Variants in GNA13 observed in about 807,000 individuals in gnomAD.
The protein encoded by GNA13 is G protein subunit alpha 13, also known as guanine nucleotide-binding protein subunit alpha-13.
A neutral mutation model predicts 33.5 loss-of-function variants in GNA13; 4 were observed. That is an observed-to-expected ratio of 0.12 (90% CI 0.06 to 0.27). The LOEUF is 0.27. Ranked by LOEUF, GNA13 falls within the 10% of genes least tolerant of loss-of-function variation. GNA13 has a pLI of 1.00. For synonymous variants in GNA13, 176 were observed against 183.8 expected, an observed-to-expected ratio of 0.96 and a Z score of 0.34; for missense variants, 319 against 487.2, an observed-to-expected ratio of 0.65 and a Z score of 3.25.
chr17:65,037,795 A>AAAAAAAAAAAAAAAAAAAAC (rs1567824035), intron 2 of GNA13, among the ~76,000 whole-genome samples: 1 of 150,078 alleles, frequency 6.7e-6, no homozygotes, highest in Non-Finnish European at 1.5e-5. Context: ...AAAAAAAAAA[A>AAAAAAAAAAAAAAAAAAAAC]AAAAAGACAA....
At position 65,018,317 on chromosome 17, in the gene GNA13, G is replaced by C. The variant is rs778571325; in HGVS notation, c.511-14C>G. The C allele has an allele frequency of 9.1e-6, 12 of 1,316,312 alleles. No homozygotes were observed. The highest frequency in any genetic ancestry group is 1.8e-4 in the Middle Eastern group (1 of 5,494). 81.5% of individuals were successfully genotyped at this position (1,316,312 alleles called of 1,614,324 possible). A position where few individuals can be genotyped will look rare whatever the true frequency, so the allele number is the denominator to read the frequency against. ...TACAGATTCACCCTAAAAACAAGAA[G>C]AAAACAAATAGTTATTAGGGCTTAG... On this transcript the variant is annotated splice_polypyrimidine_tract_variant and intron_variant, in intron 2 of 3. Transcript: ENST00000439174.
rs1001755493 is a variant in GNA13, at chr17:65,049,277, T to TTTTTGG, written c.510+4219_510+4224dup. ...GGTACATGTCACCATGCCTGGCTAATTTTTGGTTTTGGTTTTGGTTTTTGG... is the reference window on the plus strand; with the variant it reads ...GGTACATGTCACCATGCCTGGCTAATTTTTGGTTTTGGTTTTGGTTTTGGTTTTTGG... On this transcript the variant is annotated intron_variant, in intron 2 of 3. Transcript: ENST00000439174. Among the ~76,000 whole-genome samples the TTTTTGG allele has an allele frequency of 8.5e-5, 13 of 152,200 alleles. No individual in the cohort carries two copies. The East Asian group carries it at 2.1e-3, about 25-fold the overall frequency.
intron 3 of GNA13, among the ~76,000 whole-genome samples, chr17:65,017,550 C>T (rs959735003): frequency 6.6e-6 from 1 of 152,200 alleles, no homozygotes; most frequent in African/African-American, 2.4e-5. Flanking sequence ...ACGCCCAATA[C>T]AGAGGTCAAA....
At chr17:65,018,586 C>T (rs1906467301) in intron 2 of GNA13, among the ~76,000 whole-genome samples, 1 of 152,254 alleles carries the variant, frequency 6.6e-6, no homozygotes, top group Admixed American at 6.5e-5. Flanking sequence ...GCTATAACTA[C>T]GTATCCACAG....
chr17:65,050,605 A>G (rs1907827869), intron 2 of GNA13, among the ~76,000 whole-genome samples: 1 of 152,120 alleles, frequency 6.6e-6, no homozygotes, highest in Non-Finnish European at 1.5e-5. Context: ...GACGGCACAC[A>G]CCTGTAGTCC....
At chr17:65,047,218 A>G (rs919442123) in intron 2 of GNA13, among the ~76,000 whole-genome samples, 2 of 152,232 alleles carry the variant, frequency 1.3e-5, no homozygotes, top group African/African-American at 4.8e-5. Context: ...ATTAAACTCA[A>G]CTTTAAAATC....
In GNA13 at chr17:65,027,244, T is replaced by TG. The variant is rs1406233209; in HGVS notation, c.511-8942dup. 3.9e-5 allele frequency among the ~76,000 whole-genome samples: 6 copies of TG among 152,212 alleles called. No homozygotes were observed. The East Asian group carries it at 9.6e-4, about 24-fold the overall frequency. ...TTGCCTCAGAAATCCAAAGTGCACC[T>TG]GTCTTTCTCAAATCATCCAGATTTA... On this transcript the variant is annotated intron_variant, in intron 2 of 3. Transcript: ENST00000439174.
chr17:65,054,977 T>G (rs532162497), intron 1 of GNA13, among the ~76,000 whole-genome samples: 1 of 151,102 alleles, frequency 6.6e-6, no homozygotes, highest in South Asian at 2.1e-4. Context: ...GTCTAGTGAT[T>G]CTCTCTAATT....
chr17:65,015,342 C>G (rs1179339916), intron 3 of GNA13, among the ~76,000 whole-genome samples: 1 of 152,074 alleles, frequency 6.6e-6, no homozygotes, highest in Non-Finnish European at 1.5e-5. Flanking sequence ...TATCTACCTT[C>G]TCCACACTGC....
chr17:65,048,930 T>C (rs1474484183), intron 2 of GNA13, among the ~76,000 whole-genome samples: 2 of 152,272 alleles, frequency 1.3e-5, no homozygotes, highest in Non-Finnish European at 2.9e-5. Flanking sequence ...ATGTTTACCT[T>C]TCCTATCCAA....
intron 2 of GNA13, among the ~76,000 whole-genome samples, chr17:65,030,477 A>T (rs1451158684): frequency 6.6e-6 from 1 of 152,268 alleles, no homozygotes; most frequent in Non-Finnish European, 1.5e-5. Context: ...AATAATATGC[A>T]TCACACATGT....
Position 65,025,731 on chromosome 17 carries a change from G to A in GNA13, c.511-7428C>T, listed in dbSNP as rs1906753903. ...CAGTGGCTCAATGCCTGTAATCCCAGCACTTTGGGAGGCTAAAGAGCAAGG... is the reference window on the plus strand; with the variant it reads ...CAGTGGCTCAATGCCTGTAATCCCAACACTTTGGGAGGCTAAAGAGCAAGG... On this transcript the variant is annotated intron_variant, in intron 2 of 3. Transcript: ENST00000439174. Among the ~76,000 whole-genome samples, 3 of 151,122 alleles carry A rather than the reference G, an allele frequency of 2.0e-5. No homozygotes were observed. The East Asian group carries it at 5.9e-4, about 29-fold the overall frequency.
chr17:65,011,066 A>C lies in GNA13; in HGVS notation c.*3191T>G, dbSNP rs1256126446. Reference sequence around the variant, plus strand: ...AATACATTTTATCAAAAGCATAAATACAAGTATTTGGGTACACATTGAAAG... The same window carrying C: ...AATACATTTTATCAAAAGCATAAATCCAAGTATTTGGGTACACATTGAAAG... On this transcript the variant is annotated 3_prime_UTR_variant, in exon 4 of 4. Coordinates refer to ENST00000439174, the MANE Select transcript of GNA13 (RefSeq NM_006572.6). 1 of 205,208 alleles carries C rather than the reference A, an allele frequency of 4.9e-6. No homozygotes were observed. The highest frequency in any genetic ancestry group is 1.0e-5 in the Non-Finnish European group (1 of 100,408). The allele number at this position is 205,208 out of a possible 1,614,324, so 12.7% of individuals were successfully genotyped here. A position where few individuals can be genotyped will look rare whatever the true frequency, so the allele number is the denominator to read the frequency against.
chr17:65,038,516 G>C (rs1010319716), intron 2 of GNA13, among the ~76,000 whole-genome samples: 2 of 152,140 alleles, frequency 1.3e-5, no homozygotes, highest in African/African-American at 4.8e-5. Context: ...GGGCTCAAGG[G>C]ATGCTCCCAC....
intron 2 of GNA13, among the ~76,000 whole-genome samples, chr17:65,025,732 C>T (rs1906754076): frequency 6.6e-6 from 1 of 150,974 alleles, no homozygotes; most frequent in Non-Finnish European, 1.5e-5. Context: ...GTAATCCCAG[C>T]ACTTTGGGAG....
chr17:65,045,993 C>G (rs1226916541), intron 2 of GNA13, among the ~76,000 whole-genome samples: 1 of 152,134 alleles, frequency 6.6e-6, no homozygotes, highest in Non-Finnish European at 1.5e-5. Context: ...CAGATTGGGA[C>G]TGCGGTGTCT....
In GNA13 at chr17:65,056,572, G is replaced by A; in HGVS notation, c.22C>T (p.Arg8Trp). 1.9e-6 allele frequency: 3 copies of A among 1,606,750 alleles called. No individual in the cohort carries two copies. Among genetic ancestry groups the A allele is most frequent in the Non-Finnish European group, 2.5e-6 (3 of 1,177,848 alleles). ...GGGAAGCACACGGACAGCACGGACC[G>A]CGACGGCAGGAAGTCCGCCATCTTG... MADFLPS[R>W]SVLSVCFPGC... Residue 8 changes from arginine to tryptophan, a missense_variant, in exon 1 of 4, where the codon CGG becomes TGG. Around this residue, in one of 4 missense-constraint regions of GNA13, gnomAD observed 47 missense variants for 64.7 expected, o/e 0.73. Transcript: ENST00000439174.
Position 65,013,881 on chromosome 17 carries a change from C to G in GNA13, c.*376G>C. ...ATATCTTGTTTTGGAACTGAATATT[C>G]CTAACCTCATCCCTACAAGTATTTA... On this transcript the variant is annotated 3_prime_UTR_variant, in exon 4 of 4. Transcript: ENST00000439174. The G allele has an allele frequency of 3.9e-6, 1 of 255,608 alleles. No individual in the cohort carries two copies. The highest frequency in any genetic ancestry group is 7.6e-6 in the Non-Finnish European group (1 of 130,738). 15.8% of individuals were successfully genotyped at this position (255,608 alleles called of 1,614,324 possible).
At chr17:65,018,092 TAAAAAAAAAAAAAA>T (rs767082596) in intron 3 of GNA13, among the ~76,000 whole-genome samples, 147 bp downstream of exon 3, 8 of 21,502 alleles carry the variant, frequency 3.7e-4, no homozygotes, top group African/African-American at 4.2e-4. Flanking sequence ...ACGCCACCAC[TAAAAAAAAAAAAAA>T]AAAAAAAAAA....
Sources: allele counts gnomAD v4.1 joint callset (sites outside exome capture counted in the v4.1 genomes callset), GRCh38; gene constraint gnomAD v4.1.1; regional missense constraint gnomAD v4.1.1; transcripts MANE v1.5; gene names NCBI Gene and HGNC (gene_info 2026-07-23, HGNC 2026-07-21).